The following DOK6 variants were observed in gnomAD, a reference collection of about 807,000 sequenced individuals.
The protein encoded by DOK6 is downstream of tyrosine kinase 6.
In DOK6, 22 loss-of-function variants were observed where a neutral mutation model predicts 44.0. The ratio of observed to expected loss-of-function variants is 0.50; its 90% CI spans 0.36 to 0.71. The LOEUF is 0.71. Ranked by LOEUF, DOK6 falls within the 30% of genes least tolerant of loss-of-function variation. DOK6 has a pLI of 0.00. For synonymous variants in DOK6, 166 were observed against 145.5 expected, an observed-to-expected ratio of 1.14 and a Z score of -1.01; for missense variants, 340 against 416.4, an observed-to-expected ratio of 0.82 and a Z score of 1.60.
At chr18:69,706,368 T>G (rs1368879874) in intron 5 of DOK6, among the ~76,000 whole-genome samples, 3 of 152,104 alleles carry the variant, frequency 2.0e-5, no homozygotes, top group Non-Finnish European at 2.9e-5. Context: ...TTATTTACAT[T>G]TCAAAGAGAG....
intron 1 of DOK6, among the ~76,000 whole-genome samples, chr18:69,515,173 G>T (rs1981486528): frequency 6.6e-6 from 1 of 152,142 alleles, no homozygotes; most frequent in South Asian, 2.1e-4. Context: ...GTGCTTAATT[G>T]TGTAGTTTAG....
At chr18:69,657,250 C>T (rs1029390373) in intron 3 of DOK6, among the ~76,000 whole-genome samples, 20 of 152,342 alleles carry the variant, frequency 1.3e-4, no homozygotes, top group Non-Finnish European at 2.1e-4. Context: ...GCCTGCCTTT[C>T]TCTGTTAGAA....
At position 69,472,166 on chromosome 18, in the gene DOK6, C is replaced by T. The variant is rs17080953; in HGVS notation, c.66+70856C>T. On this transcript the variant is annotated intron_variant, in intron 1 of 7. Transcript: ENST00000382713. Reference sequence around the variant, plus strand: ...AAATAGTTCCTCCGATTCTTATTTACGAAAAGCCAGAAAACTACTTAAAAT... The same window carrying T: ...AAATAGTTCCTCCGATTCTTATTTATGAAAAGCCAGAAAACTACTTAAAAT... 0.016 allele frequency among the ~76,000 whole-genome samples: 2,463 copies of T among 152,148 alleles called. 237 individuals carry two copies. In the East Asian group the frequency reaches 0.29, roughly 18 times the overall value.
At chr18:69,659,249 T>G (rs780948135) in intron 3 of DOK6, among the ~76,000 whole-genome samples, 1 of 152,206 alleles carries the variant, frequency 6.6e-6, no homozygotes, top group Non-Finnish European at 1.5e-5. Flanking sequence ...CAAGCAGCAT[T>G]CTGGCCTTTC....
At chr18:69,585,482 G>T (rs2144613068) in intron 2 of DOK6, among the ~76,000 whole-genome samples, 1 of 152,254 alleles carries the variant, frequency 6.6e-6, no homozygotes, top group Admixed American at 6.5e-5. Context: ...TGTGTATATA[G>T]GGCCACATAG....
chr18:69,841,528 C>G lies in DOK6; in HGVS notation c.*145C>G. On this transcript the variant is annotated 3_prime_UTR_variant, in exon 8 of 8. Coordinates refer to ENST00000382713, the MANE Select transcript of DOK6 (RefSeq NM_152721.6). The stretch of plus-strand genomic sequence containing the variant: ...CCCAGTCCCATTGGAAGGTTAAAAA[C>G]TGGAGTTCTGCTTCCTTGATTCAGT... The G allele has an allele frequency of 9.1e-7, 1 of 1,101,720 alleles. No individual in the cohort carries two copies. Among genetic ancestry groups the G allele is most frequent in the African/African-American group, 1.6e-5 (1 of 63,978 alleles). 68.2% of individuals were successfully genotyped at this position (1,101,720 alleles called of 1,614,324 possible).
At chr18:69,776,222 A>G (rs1048502076) in intron 7 of DOK6, among the ~76,000 whole-genome samples, 1 of 152,012 alleles carries the variant, frequency 6.6e-6, no homozygotes, top group Non-Finnish European at 1.5e-5. Context: ...GAGACTATAC[A>G]TTGCTTTTAA....
chr18:69,552,716 C>T (rs991098384), intron 1 of DOK6, among the ~76,000 whole-genome samples: 2 of 152,138 alleles, frequency 1.3e-5, no homozygotes, highest in Non-Finnish European at 2.9e-5. Flanking sequence ...GAGGTGAACT[C>T]CATGAAGACA....
At chr18:69,726,815 C>A (rs2144728105) in intron 5 of DOK6, among the ~76,000 whole-genome samples, 1 of 148,560 alleles carries the variant, frequency 6.7e-6, no homozygotes, top group African/African-American at 2.5e-5. Context: ...GATGGGCAAA[C>A]AAGCTCCTTT....
chr18:69,515,724 T>A (rs1981502542), intron 1 of DOK6, among the ~76,000 whole-genome samples: 1 of 152,200 alleles, frequency 6.6e-6, no homozygotes, highest in Non-Finnish European at 1.5e-5. Flanking sequence ...CTCACTTATT[T>A]TAGTTGAGTA....
intron 1 of DOK6, among the ~76,000 whole-genome samples, chr18:69,548,877 AG>A (rs1982482119): frequency 1.3e-5 from 2 of 151,350 alleles, no homozygotes; most frequent in African/African-American, 2.4e-5. Flanking sequence ...GCGGATCACG[AG>A]GTCAGGAGAT....
At chr18:69,509,663 A>AAC (rs397977960) in intron 1 of DOK6, among the ~76,000 whole-genome samples, 1 of 115,490 alleles carries the variant, frequency 8.7e-6, no homozygotes, top group Non-Finnish European at 2.1e-5. Context: ...AAAAAAAAAA[A>AAC]CACACAAGTC....
intron 1 of DOK6, among the ~76,000 whole-genome samples, chr18:69,481,305 T>C (rs1980413565): frequency 6.6e-6 from 1 of 152,122 alleles, no homozygotes. Context: ...ACATGTGCCA[T>C]GTTGGTGTGC....
chr18:69,719,725 A>G (rs761207491), intron 5 of DOK6, among the ~76,000 whole-genome samples: 1 of 152,206 alleles, frequency 6.6e-6, no homozygotes, highest in Non-Finnish European at 1.5e-5. Context: ...TTGCTCCCAT[A>G]GTTATTTTGG....
At chr18:69,644,086 T>C (rs1441576103) in intron 3 of DOK6, among the ~76,000 whole-genome samples, 1 of 152,198 alleles carries the variant, frequency 6.6e-6, no homozygotes, top group Non-Finnish European at 1.5e-5. Context: ...TTTGCCCATT[T>C]TCTAGGTGGA....
At chr18:69,577,960 C>A (rs1482370155) in intron 2 of DOK6, among the ~76,000 whole-genome samples, 1 of 152,084 alleles carries the variant, frequency 6.6e-6, no homozygotes, top group Non-Finnish European at 1.5e-5. Context: ...GTTTATTACC[C>A]ATTTCTCCAC....
At chr18:69,672,015 C>A (rs1029901398) in intron 3 of DOK6, among the ~76,000 whole-genome samples, 4 of 152,084 alleles carry the variant, frequency 2.6e-5, no homozygotes, top group Non-Finnish European at 4.4e-5. Flanking sequence ...TATTTAGGGG[C>A]TATGATAAAA....
intron 2 of DOK6, among the ~76,000 whole-genome samples, chr18:69,582,707 G>A (rs1393491632): frequency 6.6e-6 from 1 of 152,120 alleles, no homozygotes; most frequent in Non-Finnish European, 1.5e-5. Context: ...ATTACAGTGA[G>A]TTTGATGGAA....
chr18:69,524,974 T>G (rs1267161371), intron 1 of DOK6, among the ~76,000 whole-genome samples: 5 of 125,970 alleles, frequency 4.0e-5, no homozygotes. Flanking sequence ...TAAATGAAGA[T>G]TTTCAGTAAA....
Sources: allele counts gnomAD v4.1 joint callset (sites outside exome capture counted in the v4.1 genomes callset), GRCh38; gene constraint gnomAD v4.1.1; transcripts MANE v1.5; gene names NCBI Gene and HGNC (gene_info 2026-07-23, HGNC 2026-07-21).